The following ABTB3 variants were observed in gnomAD, a reference collection of about 807,000 sequenced individuals.
The protein encoded by ABTB3 is ankyrin repeat and BTB domain containing 3.
At chr12:107,534,523 A>G in the ABTB3 span, among the ~76,000 whole-genome samples, 5 of 152,182 alleles carry the variant, frequency 3.3e-5, no homozygotes, top group African/African-American at 1.2e-4. Flanking sequence ...TTTTGAAAAG[A>G]TAAACAAAAT....
chr12:107,430,969 T>C, the ABTB3 span, among the ~76,000 whole-genome samples: 1 of 152,244 alleles, frequency 6.6e-6, no homozygotes, highest in East Asian at 1.9e-4. Context: ...ATTTAAAGAT[T>C]ATGTTTACTT....
At chr12:107,551,755 CTTT>C in the ABTB3 span, among the ~76,000 whole-genome samples, 3 of 146,164 alleles carry the variant, frequency 2.1e-5, no homozygotes, top group Non-Finnish European at 1.5e-5. Context: ...TTATAATCTT[CTTT>C]TTTTTTTTTT....
the ABTB3 span, among the ~76,000 whole-genome samples, chr12:107,334,546 A>G: frequency 2.6e-5 from 4 of 152,188 alleles, no homozygotes; most frequent in African/African-American, 4.8e-5. Context: ...AGCTTGGGAC[A>G]TGCAAAGTTC....
chr12:107,386,406 T>C, the ABTB3 span, among the ~76,000 whole-genome samples: 1 of 152,234 alleles, frequency 6.6e-6, no homozygotes, highest in East Asian at 1.9e-4. Flanking sequence ...CCCCAGTGCA[T>C]AGCACAGAGC....
At chr12:107,507,403 G>A in the ABTB3 span, among the ~76,000 whole-genome samples, 5 of 152,230 alleles carry the variant, frequency 3.3e-5, no homozygotes, top group South Asian at 1.0e-3. Flanking sequence ...ACTGGTCTGG[G>A]TTTGCTGGCA....
At chr12:107,515,553 C>CCAT in the ABTB3 span, among the ~76,000 whole-genome samples, 1 of 152,136 alleles carries the variant, frequency 6.6e-6, no homozygotes, top group Non-Finnish European at 1.5e-5. Context: ...GACACCAGGA[C>CCAT]CATCAGATGA....
the ABTB3 span, among the ~76,000 whole-genome samples, chr12:107,586,904 C>T: frequency 6.6e-6 from 1 of 152,204 alleles, no homozygotes; most frequent in Non-Finnish European, 1.5e-5. Context: ...AATGACCTCC[C>T]TGCCGAGGTG....
At chr12:107,510,889 G>C in the ABTB3 span, among the ~76,000 whole-genome samples, 1 of 152,010 alleles carries the variant, frequency 6.6e-6, no homozygotes, top group Non-Finnish European at 1.5e-5. Flanking sequence ...GCCACTGCAC[G>C]CCAGCCTGGA....
At chr12:107,486,616 A>C in the ABTB3 span, 1 of 151,782 alleles carries the variant, frequency 6.6e-6, no homozygotes, top group Non-Finnish European at 1.5e-5. Flanking sequence ...GGGCATGTTC[A>C]GGGTGGTATG....
the ABTB3 span, among the ~76,000 whole-genome samples, chr12:107,427,547 T>C: frequency 0.28 from 42,060 of 152,048 alleles, 7,107 homozygotes; most frequent in African/African-American, 0.47. Context: ...TGCCTGGCTC[T>C]GTGTCCCTCT....
At chr12:107,477,622 G>A in the ABTB3 span, among the ~76,000 whole-genome samples, 2 of 152,142 alleles carry the variant, frequency 1.3e-5, no homozygotes, top group African/African-American at 2.4e-5. Context: ...TTTTATGCTA[G>A]TTTATTCTAT....
the ABTB3 span, among the ~76,000 whole-genome samples, chr12:107,345,709 T>A: frequency 6.6e-6 from 1 of 151,902 alleles, no homozygotes; most frequent in African/African-American, 2.4e-5. Context: ...CAAAAAAAAA[T>A]GCCCATTCTG....
At chr12:107,596,897 A>G in the ABTB3 span, among the ~76,000 whole-genome samples, 1 of 152,218 alleles carries the variant, frequency 6.6e-6, no homozygotes, top group African/African-American at 2.4e-5. Context: ...AAATAAAAGC[A>G]GAAAACAGCA....
the ABTB3 span, among the ~76,000 whole-genome samples, chr12:107,342,224 T>C: frequency 4.0e-5 from 6 of 151,776 alleles, no homozygotes; most frequent in Admixed American, 1.3e-4. Context: ...TCTTTGCAGA[T>C]GGATGCCAGA....
chr12:107,493,586 AC>A, the ABTB3 span, among the ~76,000 whole-genome samples: 1 of 152,240 alleles, frequency 6.6e-6, no homozygotes, highest in East Asian at 1.9e-4. Flanking sequence ...TGAATTGTGT[AC>A]CTGCCAAAAT....
chr12:107,470,782 A>G, the ABTB3 span, among the ~76,000 whole-genome samples: 1 of 152,132 alleles, frequency 6.6e-6, no homozygotes, highest in African/African-American at 2.4e-5. Flanking sequence ...GATACTTGGG[A>G]TGGTGGCCAG....
chr12:107,449,659 T>A, the ABTB3 span, among the ~76,000 whole-genome samples: 1 of 151,814 alleles, frequency 6.6e-6, no homozygotes, highest in East Asian at 1.9e-4. Context: ...AGTACCCACT[T>A]TTTTTTTAAG....
chr12:107,597,293 C>T, the ABTB3 span, among the ~76,000 whole-genome samples: 123 of 152,224 alleles, frequency 8.1e-4, 1 homozygote, highest in Non-Finnish European at 1.0e-4. Flanking sequence ...TTGTCTTAAT[C>T]GGTTTTCTGT....
the ABTB3 span, among the ~76,000 whole-genome samples, chr12:107,393,139 C>T: frequency 6.6e-6 from 1 of 152,182 alleles, no homozygotes; most frequent in East Asian, 1.9e-4. Flanking sequence ...GGAAACGCTT[C>T]CTTGAGGGGC....
Sources: allele counts gnomAD v4.1 joint callset (sites outside exome capture counted in the v4.1 genomes callset), GRCh38; gene constraint gnomAD v4.1.1; transcripts MANE v1.5; gene names NCBI Gene and HGNC (gene_info 2026-07-23, HGNC 2026-07-21).